The following ARFGEF3 variants were observed in gnomAD, a reference collection of about 807,000 sequenced individuals.
ARFGEF3 encodes brefeldin A-inhibited guanine nucleotide-exchange protein 3.
A neutral mutation model predicts 221.7 loss-of-function variants in ARFGEF3; 96 were observed. That is an observed-to-expected ratio of 0.43 (90% CI 0.37 to 0.51). The LOEUF is 0.51. Among genes scored for constraint, ARFGEF3 ranks in the 20% least tolerant of loss-of-function variants. The pLI, the probability that ARFGEF3 is intolerant of heterozygous loss-of-function variation, is 0.00. For missense variants in ARFGEF3, 2,410 were observed against 2,789.9 expected, an observed-to-expected ratio of 0.86 and a Z score of 3.07; for synonymous variants, 1,145 against 1,126.8, an observed-to-expected ratio of 1.02 and a Z score of -0.32.
Position 138,308,089 on chromosome 6 carries a change from G to A in ARFGEF3, c.3974-650G>A, listed in dbSNP as rs115629418. On this transcript the variant is annotated intron_variant, in intron 23 of 33. Coordinates refer to ENST00000251691, the MANE Select transcript of ARFGEF3 (RefSeq NM_020340.5). ...CATGTTTGCAATGTTTCTGCCTGTT[G>A]AAGCCCATTAGAGATCTAGCTGGGG... is the stretch of plus-strand genomic sequence containing the variant. Among the ~76,000 whole-genome samples the A allele has an allele frequency of 6.7e-3, 1,015 of 152,272 alleles. 9 individuals carry two copies. Among genetic ancestry groups the A allele is most frequent in the African/African-American group, 0.021 (892 of 41,532 alleles).
chr6:138,307,858 C>G (rs1779754848), intron 23 of ARFGEF3, among the ~76,000 whole-genome samples: 1 of 152,060 alleles, frequency 6.6e-6, no homozygotes, highest in Non-Finnish European at 1.5e-5. Context: ...AGAAACCCAC[C>G]AGAAAGACTC....
At chr6:138,195,718 A>C (rs1354081117) in intron 2 of ARFGEF3, among the ~76,000 whole-genome samples, 4 of 152,206 alleles carry the variant, frequency 2.6e-5, no homozygotes, top group Non-Finnish European at 5.9e-5. Context: ...ATTTTCTTAG[A>C]AAAGGCTCCT....
chr6:138,255,537 C>T lies in ARFGEF3; in HGVS notation c.872C>T (p.Ser291Leu), dbSNP rs755452517. 1.6e-5 allele frequency: 26 copies of T among 1,613,920 alleles called. No individual in the cohort carries two copies. The highest frequency in any genetic ancestry group is 2.2e-5 in the East Asian group (1 of 44,902). ...AGCAGCACCAGTACCAGCCTGGAGTCGGACTCTGCGTCTCCGGGAGTGTCT... is the reference window on the plus strand; with the variant it reads ...AGCAGCACCAGTACCAGCCTGGAGTTGGACTCTGCGTCTCCGGGAGTGTCT... ...HTSSTSTSLE[S>L]DSASPGVSDH... is the part of the protein sequence containing the mutation. The change falls in exon 10 of 34, where the codon TCG becomes TTG. Residue 291 changes from serine to leucine, a missense_variant. By Grantham distance (145) the Ser-to-Leu change is moderately radical. Around this residue, in one of 5 missense-constraint regions of ARFGEF3, gnomAD observed 570 missense variants for 586.9 expected, o/e 0.97. Coordinates refer to ENST00000251691, the MANE Select transcript of ARFGEF3 (RefSeq NM_020340.5).
At position 138,238,595 on chromosome 6, in the gene ARFGEF3, C is replaced by T; in HGVS notation, c.507C>T (p.Asp169=). 1 of 1,613,708 alleles carries T rather than the reference C, an allele frequency of 6.2e-7. No homozygotes were observed. Among genetic ancestry groups the T allele is most frequent in the Non-Finnish European group, 8.5e-7 (1 of 1,179,670 alleles). The stretch of plus-strand genomic sequence containing the variant: ...CAACTCTCAGTCAAATGCTGAGTGA[C>T]TTGACTTTACAGTTACGACAGAGGC... ...VRATLSQMLS[D]LTLQLRQRQE... Residue 169 remains aspartate (D), a synonymous_variant, in exon 6 of 34, where the codon GAC becomes GAT. Transcript: ENST00000251691.
At chr6:138,241,749 G>A (rs1036357627) in intron 6 of ARFGEF3, among the ~76,000 whole-genome samples, 1 of 152,194 alleles carries the variant, frequency 6.6e-6, no homozygotes, top group Non-Finnish European at 1.5e-5. Flanking sequence ...AAAATCACTA[G>A]CAGGATGTGT....
chr6:138,176,384 T>C (rs1018008101), intron 2 of ARFGEF3, among the ~76,000 whole-genome samples: 21 of 152,104 alleles, frequency 1.4e-4, no homozygotes, highest in African/African-American at 4.8e-4. Context: ...AGTTTCACCA[T>C]ATTGGCCAGG....
At chr6:138,279,907 G>T in intron 13 of ARFGEF3, 92 bp from the exon 14 acceptor site, 2 of 1,282,788 alleles carry the variant, frequency 1.6e-6, no homozygotes, top group Admixed American at 1.8e-5. Context: ...TTAGTTCAGG[G>T]CTCTGTGACG....
rs1778406194 is a variant in ARFGEF3 at position 138,242,291 on chromosome 6, G to A, written c.544-661G>A. ...TCTCAGTAGTCACTGAGTTATCCCT[G>A]CAATGGGAAGTAAGTCTGATTATTT... On this transcript the variant is annotated intron_variant, in intron 6 of 33. Transcript: ENST00000251691. Among the ~76,000 whole-genome samples the A allele has an allele frequency of 2.0e-5, 3 of 152,192 alleles. No homozygotes were observed. In the South Asian group the frequency reaches 6.2e-4, roughly 32 times the overall value.
At chr6:138,256,835 A>T (rs1778692322) in intron 10 of ARFGEF3, among the ~76,000 whole-genome samples, 1 of 151,876 alleles carries the variant, frequency 6.6e-6, no homozygotes, top group Non-Finnish European at 1.5e-5. Flanking sequence ...CCCAGGCTGG[A>T]GTGCAGTGGC....
Position 138,255,458 on chromosome 6 carries a change from A to T in ARFGEF3, c.793A>T (p.Ile265Phe), listed in dbSNP as rs1778658542. ...CAGGAAAAACCTCTGCCCTGCTCTC[A>T]TCGTGATCTTGGGGAATCCAATTCA... Reference protein sequence around the residue: ...LIWKNLCPALIVILGNPIHDK... With the variant: ...LIWKNLCPALFVILGNPIHDK... Residue 265 changes from isoleucine to phenylalanine, a missense_variant, in exon 10 of 34, where the codon ATC (isoleucine) becomes TTC (phenylalanine). By Grantham distance (21) the Ile-to-Phe change is conservative. Coordinates refer to ENST00000251691, the MANE Select transcript of ARFGEF3 (RefSeq NM_020340.5). 1.1e-5 allele frequency: 17 copies of T among 1,607,692 alleles called. No homozygotes were observed. Among genetic ancestry groups the T allele is most frequent in the Non-Finnish European group, 1.4e-5 (17 of 1,174,736 alleles).
chr6:138,310,228 C>T (rs1779801964), intron 24 of ARFGEF3, among the ~76,000 whole-genome samples: 1 of 152,114 alleles, frequency 6.6e-6, no homozygotes, highest in Admixed American at 6.6e-5. Flanking sequence ...TTTTGGGACG[C>T]CTGCTGTAAT....
At chr6:138,262,663 A>T (rs1392076146) in intron 11 of ARFGEF3, 38 bp from the exon 12 acceptor site, 1 of 1,538,512 alleles carries the variant, frequency 6.5e-7, no homozygotes, top group African/African-American at 1.4e-5. Context: ...TCTACATTTT[A>T]TGCATTTATT....
intron 5 of ARFGEF3, among the ~76,000 whole-genome samples, chr6:138,233,274 G>C: frequency 6.6e-6 from 1 of 151,722 alleles, no homozygotes. Context: ...AAACATTGAC[G>C]CTCAACACCT....
chr6:138,223,718 C>T (rs757536211), intron 4 of ARFGEF3, among the ~76,000 whole-genome samples: 1 of 152,044 alleles, frequency 6.6e-6, no homozygotes, highest in African/African-American at 2.4e-5. Flanking sequence ...TTCTTTTCCC[C>T]TAGGTTTAAT....
At position 138,216,499 on chromosome 6, in the gene ARFGEF3, G is replaced by C. The variant is rs368322752; in HGVS notation, c.351+6458G>C. 12 of 152,298 alleles carry C rather than the reference G, an allele frequency of 7.9e-5. No homozygotes were observed. The East Asian group carries it at 1.4e-3, about 17-fold the overall frequency. The allele number at this position is 152,298 out of a possible 1,614,324, so 9.4% of individuals were successfully genotyped here. ...GCAAGAAACACGACAAAGGAAGAAA[G>C]ACTGTTTGAGTCCCCTCTCGGTAAT... On this transcript the variant is annotated intron_variant, in intron 4 of 33. Transcript: ENST00000251691.
intron 2 of ARFGEF3, among the ~76,000 whole-genome samples, chr6:138,173,467 TG>T (rs11309636): frequency 0.041 from 6,260 of 152,264 alleles, 143 homozygotes; most frequent in Middle Eastern, 0.086. Flanking sequence ...AAAAGGTATG[TG>T]GTTCAGTGTG....
At chr6:138,312,856 T>G (rs1253483012) in intron 25 of ARFGEF3, among the ~76,000 whole-genome samples, 2 of 152,072 alleles carry the variant, frequency 1.3e-5, no homozygotes, top group Non-Finnish European at 2.9e-5. Context: ...ATTACAGGCA[T>G]GCGCCACCAC....
intron 24 of ARFGEF3, among the ~76,000 whole-genome samples, chr6:138,310,894 A>G (rs1779814514): frequency 6.6e-6 from 1 of 152,256 alleles, no homozygotes; most frequent in African/African-American, 2.4e-5. Context: ...GACCTCATTT[A>G]TCATCAGCAT....
At chr6:138,288,505 G>A (rs1173475872) in intron 17 of ARFGEF3, among the ~76,000 whole-genome samples, 5 of 151,908 alleles carry the variant, frequency 3.3e-5, no homozygotes, top group African/African-American at 1.2e-4. Flanking sequence ...CCAACATGGT[G>A]AAAGAAACCC....
Sources: allele counts gnomAD v4.1 joint callset (sites outside exome capture counted in the v4.1 genomes callset), GRCh38; gene constraint gnomAD v4.1.1; regional missense constraint gnomAD v4.1.1; transcripts MANE v1.5; gene names NCBI Gene and HGNC (gene_info 2026-07-23, HGNC 2026-07-21).